PDE4D: variants seen among roughly 807,000 people sequenced by gnomAD.
PDE4D encodes phosphodiesterase 4D, also known as 3',5'-cyclic-AMP phosphodiesterase 4D.
PDE4D carries 24 observed loss-of-function variants against 87.4 expected under a neutral mutation model. The observed-to-expected ratio is 0.27, with a 90% CI of 0.20 to 0.39. The LOEUF is 0.39. PDE4D is among the 10% of genes least tolerant of loss of function. PDE4D has a pLI of 1.00. For missense variants in PDE4D, 714 were observed against 1,041.0 expected (o/e 0.69, Z 4.32); for synonymous variants, 384 against 383.2 (o/e 1.00, Z -0.02).
At chr5:59,689,714 T>C (rs1750572104) in intron 1 of PDE4D, among the ~76,000 whole-genome samples, 1 of 152,204 alleles carries the variant, frequency 6.6e-6, no homozygotes, top group Non-Finnish European at 1.5e-5. Context: ...TTGGAAGTTC[T>C]GGCCAGGGCA....
chr5:59,604,718 T>C (rs1360021682), intron 1 of PDE4D, among the ~76,000 whole-genome samples: 2 of 152,034 alleles, frequency 1.3e-5, no homozygotes, highest in Non-Finnish European at 2.9e-5. Context: ...ATGAGGTATT[T>C]TGCCTATCAC....
chr5:59,671,468 C>T (rs1747190143), intron 1 of PDE4D, among the ~76,000 whole-genome samples: 1 of 152,044 alleles, frequency 6.6e-6, no homozygotes, highest in Non-Finnish European at 1.5e-5. Context: ...AATTATCTTT[C>T]TAAACAGTAA....
At chr5:60,342,257 C>T (rs1157547802) in intron 1 of PDE4D, among the ~76,000 whole-genome samples, 1 of 152,154 alleles carries the variant, frequency 6.6e-6, no homozygotes, top group Non-Finnish European at 1.5e-5. Flanking sequence ...AAATCATCTC[C>T]TGCTTTGACC....
rs568798417 is a variant in PDE4D, at chr5:59,243,002, T to G, written c.456-27034A>C. Among the ~76,000 whole-genome samples, 7 of 152,226 alleles carry G rather than the reference T, an allele frequency of 4.6e-5. No homozygotes were observed. The East Asian group carries it at 9.7e-4, about 21-fold the overall frequency. On this transcript the variant is annotated intron_variant, in intron 1 of 14. Coordinates refer to ENST00000340635, the MANE Select transcript of PDE4D (RefSeq NM_001104631.2). ...AGGGATGAAGATCAGGACTCTACAT[T>G]TAAGAGACAGCAGGCACAGTATTTC... is the stretch of plus-strand genomic sequence containing the variant.
At chr5:59,220,510 AG>A (rs1752316858) in intron 1 of PDE4D, among the ~76,000 whole-genome samples, 1 of 151,770 alleles carries the variant, frequency 6.6e-6, no homozygotes, top group African/African-American at 2.4e-5. Flanking sequence ...TATTAGAACT[AG>A]GGGGTTTGCC....
At chr5:59,334,422 C>T (rs574669799) in intron 1 of PDE4D, among the ~76,000 whole-genome samples, 1 of 151,830 alleles carries the variant, frequency 6.6e-6, no homozygotes, top group Non-Finnish European at 1.5e-5. Context: ...TTATGCCTGG[C>T]TAATTTTTGT....
chr5:59,073,511 G>GGGGT (rs1765198131), intron 5 of PDE4D, among the ~76,000 whole-genome samples: 1 of 140,016 alleles, frequency 7.1e-6, no homozygotes, highest in Non-Finnish European at 1.6e-5. Flanking sequence ...GGGGGGCGGG[G>GGGGT]GGGGCGGGTG....
At chr5:59,517,203 C>T (rs1811322172) in intron 1 of PDE4D, among the ~76,000 whole-genome samples, 2 of 152,242 alleles carry the variant, frequency 1.3e-5, no homozygotes, top group South Asian at 4.1e-4. Context: ...ATTGATTAAA[C>T]ATGTAGTATA....
intron 2 of PDE4D, among the ~76,000 whole-genome samples, chr5:59,995,321 C>CT (rs70975357): frequency 0.38 from 52,689 of 140,092 alleles, 10,873 homozygotes; most frequent in East Asian, 0.81. Flanking sequence ...TTCTTTCTTT[C>CT]TTTTTTTTTT....
intron 1 of PDE4D, among the ~76,000 whole-genome samples, chr5:59,250,882 C>CT (rs1334839102): frequency 6.6e-6 from 1 of 152,064 alleles, no homozygotes; most frequent in Non-Finnish European, 1.5e-5. Context: ...AACTGCACAC[C>CT]TAGGACCATC....
chr5:59,162,982 C>T (rs1470927332), intron 5 of PDE4D, among the ~76,000 whole-genome samples: 1 of 150,972 alleles, frequency 6.6e-6, no homozygotes, highest in East Asian at 1.9e-4. Context: ...CTTGCTCTGT[C>T]ACCCAGGTTG....
At chr5:60,053,462 T>A (rs947106473) in intron 2 of PDE4D, among the ~76,000 whole-genome samples, 1 of 152,154 alleles carries the variant, frequency 6.6e-6, no homozygotes, top group Admixed American at 6.6e-5. Flanking sequence ...ATTTAATAAA[T>A]GGTGTTGGGG....
chr5:59,834,397 A>G (rs903849652), intron 1 of PDE4D, among the ~76,000 whole-genome samples: 1 of 152,058 alleles, frequency 6.6e-6, no homozygotes, highest in Non-Finnish European at 1.5e-5. Context: ...TACATACATA[A>G]AATAATGATC....
intron 1 of PDE4D, among the ~76,000 whole-genome samples, chr5:59,718,441 C>T (rs1755341232): frequency 1.3e-5 from 2 of 152,142 alleles, no homozygotes; most frequent in Admixed American, 6.6e-5. Flanking sequence ...TCTCTGGAAT[C>T]TCTCCTAAAC....
intron 1 of PDE4D, among the ~76,000 whole-genome samples, chr5:60,347,111 C>A (rs988841036): frequency 1.1e-4 from 17 of 152,188 alleles, no homozygotes; most frequent in African/African-American, 4.1e-4. Context: ...TGGGTGATAG[C>A]AAATTTGCTA....
At chr5:59,522,082 A>T (rs997048237) in intron 1 of PDE4D, among the ~76,000 whole-genome samples, 7 of 152,230 alleles carry the variant, frequency 4.6e-5, no homozygotes, top group Non-Finnish European at 7.3e-5. Flanking sequence ...TCACAAATTT[A>T]AAAAATACAG....
rs556286646 is a variant in PDE4D at position 59,137,683 on chromosome 5, C to T, written c.808+42912G>A. Among the ~76,000 whole-genome samples the T allele has an allele frequency of 1.1e-3, 168 of 152,208 alleles. 3 individuals carry two copies. Among genetic ancestry groups the T allele is most frequent in the Admixed American group, 0.011 (165 of 15,300 alleles). On this transcript the variant is annotated intron_variant, in intron 5 of 14. Coordinates refer to ENST00000340635, the MANE Select transcript of PDE4D (RefSeq NM_001104631.2). ...CTGGGACTACAGGCGCCCGCCACCACGCGTGGCTAATTTTTTGTATTTTTA... is the reference window on the plus strand; with the variant it reads ...CTGGGACTACAGGCGCCCGCCACCATGCGTGGCTAATTTTTTGTATTTTTA...
At chr5:60,204,800 G>T (rs1391581256) in intron 1 of PDE4D, among the ~76,000 whole-genome samples, 8 of 152,138 alleles carry the variant, frequency 5.3e-5, no homozygotes, top group Non-Finnish European at 1.2e-4. Context: ...GGATTAAGAT[G>T]TCTATTCTAC....
intron 6 of PDE4D, chr5:58,999,555 A>ATG (rs1363439465): frequency 3.5e-6 from 3 of 860,502 alleles, no homozygotes; most frequent in Non-Finnish European, 1.6e-6. Flanking sequence ...GATTATATGT[A>ATG]TATATATATA....
Sources: gnomAD v4.1 joint callset for allele counts (sites outside exome capture counted in the v4.1 genomes callset) on GRCh38, gnomAD v4.1.1 for gene constraint, MANE v1.5 for transcripts, NCBI Gene and HGNC (gene_info 2026-07-23, HGNC 2026-07-21) for gene names.